ZNF540: variants seen among roughly 807,000 people sequenced by gnomAD.
ZNF540 encodes the protein CTD-3064H18.6.
Under a neutral mutation model 11.8 loss-of-function variants are expected in ZNF540, and 3 were observed. That is an observed-to-expected ratio of 0.25 (90% CI 0.12 to 0.65). The LOEUF (loss-of-function observed/expected upper bound fraction) is 0.65, where lower values mean the gene tolerates loss of function less well. Ranked by LOEUF, ZNF540 falls within the 30% of genes least tolerant of loss-of-function variation. The pLI is 0.83. For missense variants in ZNF540, 709 were observed against 793.1 expected (o/e 0.89, Z 1.27); for synonymous variants, 247 against 259.0 (o/e 0.95, Z 0.45).
Position 37,613,378 on chromosome 19 carries a change from G to A in ZNF540, c.*115G>A, listed in dbSNP as rs1017469315. On this transcript the variant is annotated 3_prime_UTR_variant, in exon 5 of 5. Transcript: ENST00000316433. ...ACACATATTAACTTAATAAATGTATGAGTCTTAAATACCTCTTAGTTCTCA... is the reference window on the plus strand; with the variant it reads ...ACACATATTAACTTAATAAATGTATAAGTCTTAAATACCTCTTAGTTCTCA... The A allele has an allele frequency of 1.2e-5, 9 of 748,908 alleles. 1 individual carries two copies. The Admixed American group carries it at 1.7e-4, about 14-fold the overall frequency. The allele number at this position is 748,908 out of a possible 1,614,324, so 46.4% of individuals were successfully genotyped here. A position where few individuals can be genotyped will look rare whatever the true frequency, so the allele number is the denominator to read the frequency against.
At chr19:37,559,052 A>G (rs572576850) in intron 1 of ZNF540, among the ~76,000 whole-genome samples, 23 of 152,090 alleles carry the variant, frequency 1.5e-4, no homozygotes, top group Non-Finnish European at 2.5e-4. Context: ...CTAACTTGCC[A>G]AGGCTGGTCT....
chr19:37,606,192 C>A (rs2147231295), intron 4 of ZNF540, among the ~76,000 whole-genome samples: 1 of 152,328 alleles, frequency 6.6e-6, no homozygotes, highest in East Asian at 1.9e-4. Flanking sequence ...TCTTTTGACT[C>A]TGGCTTCTTT....
chr19:37,563,777 AATATATGTATATATT>A (rs2042755511), intron 1 of ZNF540: 2 of 81,690 alleles, frequency 2.4e-5, no homozygotes, highest in Non-Finnish European at 4.2e-5. Context: ...ACACATGTGG[AATATATGTATATATT>A]CCACATACAC....
upstream of ZNF540, among the ~76,000 whole-genome samples, chr19:37,589,867 A>AAG (rs1292140995): frequency 1.4e-5 from 2 of 146,924 alleles, no homozygotes; most frequent in Non-Finnish European, 3.0e-5. Context: ...TCCATCTCAA[A>AAG]AAAAAAAAAA....
At chr19:37,589,864 C>CAAAAAAAAAAAA (rs60136941), upstream of ZNF540, among the ~76,000 whole-genome samples, 6 of 29,588 alleles carry the variant, frequency 2.0e-4, 1 homozygote, top group Non-Finnish European at 3.3e-4. Context: ...GACTCCATCT[C>CAAAAAAAAAAAA]AAAAAAAAAA....
At chr19:37,606,835 T>G (rs181084436) in intron 4 of ZNF540, among the ~76,000 whole-genome samples, 1 of 152,198 alleles carries the variant, frequency 6.6e-6, no homozygotes, top group Admixed American at 6.5e-5. Flanking sequence ...CAGATTGCGG[T>G]ACATGGCATG....
At chr19:37,575,319 A>C (rs1469510112) in intron 1 of ZNF540, among the ~76,000 whole-genome samples, 1 of 152,246 alleles carries the variant, frequency 6.6e-6, no homozygotes, top group African/African-American at 2.4e-5. Flanking sequence ...CTCCCCATGC[A>C]TATAAGCATA....
At chr19:37,577,891 G>GCCACAGAC (rs1486179882) in intron 1 of ZNF540, among the ~76,000 whole-genome samples, 1 of 152,172 alleles carries the variant, frequency 6.6e-6, no homozygotes, top group African/African-American at 2.4e-5. Flanking sequence ...CCAACCCGGA[G>GCCACAGAC]CCACAGACCG....
rs780377721 is a variant in ZNF540, at chr19:37,611,962, T to C, written c.682T>C (p.Tyr228His). Reference sequence around the variant, plus strand: ...ATGTGGGAAAGTTTTTAGTCATAGCTATCAACTTACTCTGCATCAGAGATT... The same window carrying C: ...ATGTGGGAAAGTTTTTAGTCATAGCCATCAACTTACTCTGCATCAGAGATT... ...EKCGKVFSHS[Y>H]QLTLHQRFHT... The change falls in exon 5 of 5, where the codon TAT (tyrosine) becomes CAT (histidine). Residue 228 changes from tyrosine (Y) to histidine (H), a missense_variant. By Grantham distance (83) the Tyr-to-His change is moderately conservative (BLOSUM62 2). Coordinates refer to ENST00000316433, the MANE Select transcript of ZNF540 (RefSeq NM_001172225.3). The C allele has an allele frequency of 5.6e-6, 9 of 1,613,538 alleles. No homozygotes were observed. The highest frequency in any genetic ancestry group is 1.7e-5 in the Admixed American group (1 of 60,008).
rs1329100897 is a variant in ZNF540 at position 37,612,196 on chromosome 19, A to G, written c.916A>G (p.Lys306Glu). The G allele has an allele frequency of 1.2e-6, 2 of 1,612,260 alleles. No individual in the cohort carries two copies. The highest frequency in any genetic ancestry group is 3.7e-4 in the Middle Eastern group (2 of 5,442). The change falls in exon 5 of 5, where the codon AAA (lysine) becomes GAA (glutamate). Residue 306 changes from lysine (K) to glutamate (E), a missense_variant. Transcript: ENST00000316433. ...KKSYECKECG[K>E]VFQLIFYFKE... The stretch of plus-strand genomic sequence containing the variant: ...ATCTTATGAATGTAAAGAATGTGGA[A>G]AAGTTTTTCAACTTATTTTCTACTT...
At chr19:37,565,587 A>G in intron 1 of ZNF540, 1 of 1,613,568 alleles carries the variant, frequency 6.2e-7, no homozygotes, top group African/African-American at 1.3e-5. Context: ...CAATCCTTAC[A>G]TTCATAGGGT....
At chr19:37,565,009 A>G in intron 1 of ZNF540, 1 of 1,613,590 alleles carries the variant, frequency 6.2e-7, no homozygotes, top group South Asian at 1.1e-5. Flanking sequence ...TACATTCATA[A>G]TGTTTCTCAC....
intron 1 of ZNF540, chr19:37,563,089 G>C (rs369172223): frequency 1.3e-5 from 2 of 152,164 alleles, no homozygotes; most frequent in African/African-American, 4.8e-5. Context: ...AGCACTTCTG[G>C]AGGCTGAGGC....
At chr19:37,565,734 A>T in intron 1 of ZNF540, 1 of 1,613,882 alleles carries the variant, frequency 6.2e-7, no homozygotes. Flanking sequence ...CCACGAATAA[A>T]AGCTTTCCCA....
chr19:37,599,378 T>C (rs1391768689), intron 2 of ZNF540, among the ~76,000 whole-genome samples: 1 of 152,146 alleles, frequency 6.6e-6, no homozygotes, highest in Non-Finnish European at 1.5e-5. Context: ...CAGAAATGTT[T>C]TGAGTAGTTA....
chr19:37,574,168 T>A (rs1000729152), intron 1 of ZNF540, among the ~76,000 whole-genome samples: 1 of 152,226 alleles, frequency 6.6e-6, no homozygotes, highest in African/African-American at 2.4e-5. Flanking sequence ...TTTTTAGAAG[T>A]CTACACTTAA....
rs575285955 is a variant in ZNF540 at position 37,588,354 on chromosome 19, C to A, written c.-72-10022C>A. On this transcript the variant is annotated intron_variant, in intron 1 of 4. Coordinates refer to the ZNF540 transcript ENST00000592533. ...GAACAGAGATTTCAAAATACCACTC[C>A]TATCATTAAAATGTTGGATACTGTA... Among the ~76,000 whole-genome samples the A allele has an allele frequency of 2.6e-5, 4 of 152,210 alleles. No homozygotes were observed. The East Asian group carries it at 5.8e-4, about 22-fold the overall frequency.
chr19:37,608,216 G>T (rs1411875641), intron 4 of ZNF540, among the ~76,000 whole-genome samples: 1 of 152,014 alleles, frequency 6.6e-6, no homozygotes, highest in South Asian at 2.1e-4. Flanking sequence ...TTGGATATCT[G>T]TTCTGTTTCC....
chr19:37,566,381 C>T (rs1414076461), intron 1 of ZNF540: 5 of 1,416,784 alleles, frequency 3.5e-6, no homozygotes, highest in African/African-American at 1.4e-5. Flanking sequence ...AAATAATTCT[C>T]ATTAAGAATA....
Sources: allele counts gnomAD v4.1 joint callset (sites outside exome capture counted in the v4.1 genomes callset), GRCh38; gene constraint gnomAD v4.1.1; transcripts MANE v1.5; gene names NCBI Gene and HGNC (gene_info 2026-07-23, HGNC 2026-07-21).